The following CCDC181 variants were observed in gnomAD, a reference collection of about 807,000 sequenced individuals.
CCDC181 encodes the protein coiled-coil domain-containing protein 181.
Under a neutral mutation model 58.7 loss-of-function variants are expected in CCDC181, and 35 were observed. That is an observed-to-expected ratio of 0.60 (90% CI 0.46 to 0.79). The LOEUF (loss-of-function observed/expected upper bound fraction) is 0.79. CCDC181 is among the 30% of genes least tolerant of loss of function. The probability of loss-of-function intolerance (pLI) is 0.00; values close to 1 mark genes in which losing one functional copy is unlikely to be tolerated. For missense variants in CCDC181, 517 were observed against 583.9 expected (o/e 0.89, Z 1.18); for synonymous variants, 183 against 197.5 (o/e 0.93, Z 0.62).
chr1:169,421,921 A>G lies in CCDC181; in HGVS notation c.510T>C (p.Thr170=). The change falls in exon 3 of 6, where the codon ACT becomes ACC. Residue 170 remains threonine (T), a synonymous_variant. Transcript: ENST00000367806. The part of the protein sequence containing the change: ...DLEVPPLEDT[T]TFKNYFENER... ...CGTTTTCAAAATAATTTTTAAAAGTAGTAGTGTCTTCTAGTGGAGGAACTT... is the reference window on the plus strand; with the variant it reads ...CGTTTTCAAAATAATTTTTAAAAGTGGTAGTGTCTTCTAGTGGAGGAACTT... The G allele has an allele frequency of 6.2e-7, 1 of 1,613,780 alleles. No homozygotes were observed. The highest frequency in any genetic ancestry group is 8.5e-7 in the Non-Finnish European group (1 of 1,179,820).
chr1:169,421,322 A>C, intron 3 of CCDC181, 41 bp downstream of exon 3: 1 of 1,442,648 alleles, frequency 6.9e-7, no homozygotes, highest in Non-Finnish European at 9.4e-7. Flanking sequence ...AAACAGTAAA[A>C]CATACTCTAC....
At chr1:169,437,247 T>G (rs1571508512) in intron 2 of CCDC181, among the ~76,000 whole-genome samples, 1 of 152,196 alleles carries the variant, frequency 6.6e-6, no homozygotes. Context: ...ATCCATCAAG[T>G]GCAGGGTCTG....
In CCDC181 at chr1:169,421,976, A is replaced by C. The variant is rs1292513624; in HGVS notation, c.455T>G (p.Leu152Arg). The C allele has an allele frequency of 1.2e-6, 2 of 1,614,050 alleles. No homozygotes were observed. The highest frequency in any genetic ancestry group is 1.7e-6 in the Non-Finnish European group (2 of 1,180,014). The change falls in exon 3 of 6, where the codon CTT becomes CGT. Residue 152 changes from leucine to arginine, a missense_variant. Transcript: ENST00000367806. ...EPVNDKRERK[L>R]KFKDQLVDLE... ...ATCAACTAACTGGTCCTTGAACTTA[A>C]GTTTTCGCTCCCTTTTATCATTCAC...
intron 1 of CCDC181, among the ~76,000 whole-genome samples, chr1:169,425,337 ACT>A (rs1656668811): frequency 6.6e-6 from 1 of 152,088 alleles, no homozygotes; most frequent in South Asian, 2.1e-4. Flanking sequence ...CTGAATAATA[ACT>A]GTTATTCAAC....
chr1:169,405,190 CATAG>C (rs1158280158), intron 4 of CCDC181, among the ~76,000 whole-genome samples: 1 of 152,198 alleles, frequency 6.6e-6, no homozygotes, highest in Admixed American at 6.5e-5. Context: ...ATTCCATGTT[CATAG>C]ATAGTAAGAA....
intron 4 of CCDC181, among the ~76,000 whole-genome samples, chr1:169,402,104 GA>G (rs1655386702): frequency 6.6e-6 from 1 of 152,006 alleles, no homozygotes; most frequent in African/African-American, 2.4e-5. Context: ...GAAGTTTAGA[GA>G]AAAAAGGGTA....
chr1:169,448,910 CT>C (rs1415368042), intron 2 of CCDC181, among the ~76,000 whole-genome samples: 1 of 151,990 alleles, frequency 6.6e-6, no homozygotes, highest in East Asian at 1.9e-4. Context: ...TATCTTCTAG[CT>C]TAGTGGATTT....
Position 169,421,589 on chromosome 1 carries a change from T to TG in CCDC181, c.841dup (p.His281ProfsTer32). On this transcript the variant is annotated frameshift_variant, in exon 3 of 6. Coordinates refer to ENST00000367806, the MANE Select transcript of CCDC181 (RefSeq NM_001300969.2). LOFTEE classifies it high-confidence loss of function. ...AGCCAGCGGCTCTCCTGTTGATGAG[T>TG]GAGTGACAGCATGAATCTTTGCTGT... The TG allele has an allele frequency of 6.2e-7, 1 of 1,614,070 alleles. No homozygotes were observed. Among genetic ancestry groups the TG allele is most frequent in the African/African-American group, 1.3e-5 (1 of 75,018 alleles).
chr1:169,420,629 T>C (rs1656413675), intron 3 of CCDC181, among the ~76,000 whole-genome samples: 1 of 152,196 alleles, frequency 6.6e-6, no homozygotes. Flanking sequence ...TCATGTATTA[T>C]CTGCTGAGCT....
At chr1:169,428,690 C>G (rs1238720969), upstream of CCDC181, among the ~76,000 whole-genome samples, 3 of 152,138 alleles carry the variant, frequency 2.0e-5, no homozygotes, top group African/African-American at 7.2e-5. Flanking sequence ...GAGTCTCGCT[C>G]TGTCACCCAG....
intron 4 of CCDC181, 108 bp downstream of exon 4, chr1:169,418,904 CT>C: frequency 1.2e-6 from 1 of 855,090 alleles, no homozygotes. Flanking sequence ...TCTTGAACAA[CT>C]TTTCTACTTC....
At chr1:169,428,863 C>T (rs1253693414), upstream of CCDC181, among the ~76,000 whole-genome samples, 1 of 152,140 alleles carries the variant, frequency 6.6e-6, no homozygotes, top group East Asian at 1.9e-4. Flanking sequence ...CCATGTTGCC[C>T]AAGCTGTTCT....
At chr1:169,426,958 T>A (rs1189735215) in intron 1 of CCDC181, among the ~76,000 whole-genome samples, 1 of 152,194 alleles carries the variant, frequency 6.6e-6, no homozygotes, top group African/African-American at 2.4e-5. Context: ...AAGCTACAAT[T>A]TCGGGAGTGA....
Position 169,421,782 on chromosome 1 carries a change from T to A in CCDC181, c.649A>T (p.Ile217Leu). ...GSCEENKDRT[I>L]LVERDGKFEL... ...AATTTTCCATCTCTCTCTACCAGTA[T>A]TGTCCTATCCTTGTTTTCTTCACAG... Residue 217 changes from isoleucine (I) to leucine (L), a missense_variant, in exon 3 of 6, where the codon ATA (isoleucine) becomes TTA (leucine). By Grantham distance (5) the Ile-to-Leu change is conservative. Transcript: ENST00000367806. The A allele has an allele frequency of 6.2e-7, 1 of 1,614,182 alleles. No homozygotes were observed. The highest frequency in any genetic ancestry group is 8.5e-7 in the Non-Finnish European group (1 of 1,180,032).
chr1:169,451,033 G>A (rs1657522905), intron 2 of CCDC181: 1 of 152,112 alleles, frequency 6.6e-6, no homozygotes, highest in African/African-American at 2.4e-5. Context: ...CCAAAAATCT[G>A]AAATCCAAAA....
intron 2 of CCDC181, among the ~76,000 whole-genome samples, chr1:169,434,130 GACAA>G (rs1490793567): frequency 6.6e-6 from 1 of 151,808 alleles, no homozygotes; most frequent in African/African-American, 2.4e-5. Flanking sequence ...TCAAAAAATG[GACAA>G]ACAACTTGAT....
At chr1:169,402,804 C>A (rs1188725131) in intron 4 of CCDC181, among the ~76,000 whole-genome samples, 1 of 152,018 alleles carries the variant, frequency 6.6e-6, no homozygotes, top group Non-Finnish European at 1.5e-5. Context: ...ACACACATAA[C>A]AATATTAACT....
intron 2 of CCDC181, among the ~76,000 whole-genome samples, chr1:169,439,195 T>C (rs968043097): frequency 6.6e-6 from 1 of 152,062 alleles, no homozygotes; most frequent in African/African-American, 2.4e-5. Flanking sequence ...CACCCCACCA[T>C]GGGGCTACAA....
At chr1:169,442,603 A>G (rs1657261833) in intron 2 of CCDC181, 1 of 152,122 alleles carries the variant, frequency 6.6e-6, no homozygotes, top group Admixed American at 6.5e-5. Context: ...TTGTTAATGC[A>G]CATTCATTTA....
Sources: allele counts gnomAD v4.1 joint callset (sites outside exome capture counted in the v4.1 genomes callset), GRCh38; gene constraint gnomAD v4.1.1; transcripts MANE v1.5; gene names NCBI Gene and HGNC (gene_info 2026-07-23, HGNC 2026-07-21).